The following GRID1 variants were observed in gnomAD, a reference collection of about 807,000 sequenced individuals.
The protein encoded by GRID1 is glutamate receptor ionotropic, delta-1.
A neutral mutation model predicts 98.0 loss-of-function variants in GRID1; 28 were observed. The ratio of observed to expected loss-of-function variants is 0.29; its 90% CI spans 0.21 to 0.39. The LOEUF is 0.39. Ranked by LOEUF, GRID1 falls within the 10% of genes least tolerant of loss-of-function variation. GRID1 has a pLI of 1.00. For synonymous variants in GRID1, 553 were observed against 538.5 expected (o/e 1.03, Z -0.37); for missense variants, 1,111 against 1,340.5 (o/e 0.83, Z 2.67).
chr10:86,007,704 G>T (rs1161322072), intron 4 of GRID1, among the ~76,000 whole-genome samples: 1 of 152,118 alleles, frequency 6.6e-6, no homozygotes, highest in African/African-American at 2.4e-5. Context: ...TGGGAGGGCT[G>T]GGCTCCAACA....
chr10:85,760,692 C>A (rs1034156117), intron 8 of GRID1, among the ~76,000 whole-genome samples: 2 of 152,142 alleles, frequency 1.3e-5, no homozygotes, highest in African/African-American at 4.8e-5. Flanking sequence ...GCAACACGTT[C>A]TATAGTGTCT....
chr10:86,327,114 C>T (rs145446533), intron 2 of GRID1, among the ~76,000 whole-genome samples: 2 of 152,058 alleles, frequency 1.3e-5, no homozygotes, highest in African/African-American at 2.4e-5. Flanking sequence ...CCAGCCTGGG[C>T]GACAGAGCAA....
chr10:85,770,491 T>A (rs1392083901), intron 8 of GRID1, among the ~76,000 whole-genome samples: 3 of 152,174 alleles, frequency 2.0e-5, no homozygotes, highest in Admixed American at 2.0e-4. Context: ...CTTTGACAAG[T>A]TGAGAGAAGA....
rs1841615241 is a variant in GRID1, at chr10:85,916,045, G to A, written c.780+141C>T. ...TGCTAGGTCAAGTTCAACTCTTTGAGTTTTTGCCTGGGCTAGGTGGAGCCC... is the reference window on the plus strand; with the variant it reads ...TGCTAGGTCAAGTTCAACTCTTTGAATTTTTGCCTGGGCTAGGTGGAGCCC... On this transcript the variant is annotated intron_variant, in intron 5 of 15. Coordinates refer to ENST00000327946, the MANE Select transcript of GRID1 (RefSeq NM_017551.3). The surrounding 1 kb of genome is among the most constrained non-coding windows in gnomAD (Gnocchi z 4.0). The A allele has an allele frequency of 1.5e-6, 1 of 672,610 alleles. No individual in the cohort carries two copies. 41.7% of individuals were successfully genotyped at this position (672,610 alleles called of 1,614,324 possible). A position where few individuals can be genotyped will look rare whatever the true frequency, so the allele number is the denominator to read the frequency against.
At chr10:85,829,815 A>G (rs1484507583) in intron 8 of GRID1, among the ~76,000 whole-genome samples, 1 of 152,152 alleles carries the variant, frequency 6.6e-6, no homozygotes, top group Non-Finnish European at 1.5e-5. Flanking sequence ...ACAAACAAAC[A>G]GAAAAATATC....
chr10:85,942,104 G>A (rs1460351320), intron 4 of GRID1, among the ~76,000 whole-genome samples: 2 of 152,122 alleles, frequency 1.3e-5, no homozygotes, highest in Non-Finnish European at 2.9e-5. Flanking sequence ...CAAATGTACT[G>A]ATCAACCCAA....
chr10:86,170,172 G>A (rs1018067946), intron 3 of GRID1, among the ~76,000 whole-genome samples: 5 of 152,224 alleles, frequency 3.3e-5, no homozygotes, highest in Non-Finnish European at 7.3e-5. Flanking sequence ...GACACCTAGA[G>A]CCTGAGTGGC....
At chr10:86,253,833 C>G (rs866022468) in intron 2 of GRID1, among the ~76,000 whole-genome samples, 7 of 152,166 alleles carry the variant, frequency 4.6e-5, no homozygotes, top group Admixed American at 2.6e-4. Context: ...AGCAACAACT[C>G]CCTCACCATC....
intron 13 of GRID1, among the ~76,000 whole-genome samples, chr10:85,628,508 G>T (rs975266257): frequency 6.6e-6 from 1 of 152,158 alleles, no homozygotes; most frequent in Non-Finnish European, 1.5e-5. Context: ...GAAGGGTTCA[G>T]AAAAAGTGGA....
At chr10:85,685,217 C>T (rs1268203842) in intron 12 of GRID1, among the ~76,000 whole-genome samples, 1 of 152,062 alleles carries the variant, frequency 6.6e-6, no homozygotes, top group Non-Finnish European at 1.5e-5. Context: ...ATTAATAAGC[C>T]TATTCAGAAA....
chr10:86,323,181 G>T (rs1382085063), intron 2 of GRID1, among the ~76,000 whole-genome samples: 1 of 152,216 alleles, frequency 6.6e-6, no homozygotes, highest in Non-Finnish European at 1.5e-5. Flanking sequence ...CAGAGGAGCA[G>T]AAGCTGCAGC....
At chr10:86,355,067 A>T (rs1419201562) in intron 2 of GRID1, among the ~76,000 whole-genome samples, 2 of 152,210 alleles carry the variant, frequency 1.3e-5, no homozygotes, top group African/African-American at 4.8e-5. Context: ...TAGTAAGATC[A>T]CAGCGACCTC....
At chr10:85,669,657 G>T (rs2132581465) in intron 12 of GRID1, among the ~76,000 whole-genome samples, 1 of 152,140 alleles carries the variant, frequency 6.6e-6, no homozygotes, top group East Asian at 1.9e-4. Context: ...TCCTGATTTG[G>T]CCCATCCTTA....
intron 13 of GRID1, among the ~76,000 whole-genome samples, chr10:85,641,837 A>G (rs1843123053): frequency 1.3e-5 from 2 of 152,214 alleles, no homozygotes; most frequent in Admixed American, 1.3e-4. Context: ...AGACAGACCT[A>G]GAGGACAAAA....
chr10:85,802,285 G>A (rs191392834), intron 8 of GRID1, among the ~76,000 whole-genome samples: 1 of 152,206 alleles, frequency 6.6e-6, no homozygotes, highest in East Asian at 1.9e-4. Context: ...AACTGGGAGA[G>A]AGAACCCAAC....
At chr10:85,793,104 C>T (rs1157160658) in intron 8 of GRID1, among the ~76,000 whole-genome samples, 5 of 151,910 alleles carry the variant, frequency 3.3e-5, no homozygotes, top group South Asian at 2.1e-4. Flanking sequence ...TCAACACTCT[C>T]GATGGGCTTT....
intron 4 of GRID1, among the ~76,000 whole-genome samples, chr10:86,025,125 T>C (rs1843100147): frequency 6.6e-6 from 1 of 152,166 alleles, no homozygotes; most frequent in South Asian, 2.1e-4. Flanking sequence ...AAAGCAGCCC[T>C]GATGGAGAAG....
Position 86,337,698 on chromosome 10 carries a change from C to CTTT in GRID1, c.235+26240_235+26242dup, listed in dbSNP as rs57891044. 2.9e-3 allele frequency among the ~76,000 whole-genome samples: 215 copies of CTTT among 73,344 alleles called. 27 individuals are homozygous for CTTT. Among genetic ancestry groups the CTTT allele is most frequent in the African/African-American group, 8.5e-3 (147 of 17,196 alleles). 48.1% of individuals were successfully genotyped at this position (73,344 alleles called of 152,430 possible). On this transcript the variant is annotated intron_variant, in intron 2 of 15. Transcript: ENST00000327946. The stretch of plus-strand genomic sequence containing the variant: ...ACAGCCTTTCTCTTCCCTTTGGGAA[C>CTTT]TTTTTTTTTTTTTTTTTTTTTTTTT...
chr10:85,918,315 A>G (rs1358747142), intron 4 of GRID1, among the ~76,000 whole-genome samples: 1 of 152,210 alleles, frequency 6.6e-6, no homozygotes, highest in East Asian at 1.9e-4. Flanking sequence ...TCTTGAGGAA[A>G]AACCAAAGGG....
Sources: gnomAD v4.1 joint callset for allele counts (sites outside exome capture counted in the v4.1 genomes callset) on GRCh38, gnomAD v4.1.1 for gene constraint, Gnocchi (gnomAD v3.1) non-coding constraint, MANE v1.5 for transcripts, NCBI Gene and HGNC (gene_info 2026-07-23, HGNC 2026-07-21) for gene names.